The following QKI variants were observed in gnomAD, a reference collection of about 807,000 sequenced individuals.
The protein encoded by QKI is QKI, KH domain containing RNA binding.
Under a neutral mutation model 39.0 loss-of-function variants are expected in QKI, and 10 were observed. That is an observed-to-expected ratio of 0.26 (90% CI 0.16 to 0.43). The LOEUF (loss-of-function observed/expected upper bound fraction) is 0.43. Ranked by LOEUF, QKI falls within the 20% of genes least tolerant of loss-of-function variation. The probability of loss-of-function intolerance (pLI) is 1.00; values close to 1 mark genes in which losing one functional copy is unlikely to be tolerated. For synonymous variants in QKI, 204 were observed against 155.4 expected (o/e 1.31, Z -2.33); for missense variants, 218 against 428.0 (o/e 0.51, Z 4.33).
At chr6:163,555,374 G>C (rs1293196187) in intron 4 of QKI, among the ~76,000 whole-genome samples, 4 of 151,964 alleles carry the variant, frequency 2.6e-5, no homozygotes, top group Non-Finnish European at 5.9e-5. Context: ...ATTTATAAAA[G>C]CAAGACCAGT....
chr6:163,429,279 A>G (rs1217772346), intron 1 of QKI, among the ~76,000 whole-genome samples: 1 of 152,206 alleles, frequency 6.6e-6, no homozygotes, highest in East Asian at 1.9e-4. Flanking sequence ...AAACTAAAAT[A>G]TATCAATTAA....
intron 4 of QKI, among the ~76,000 whole-genome samples, chr6:163,555,321 C>T (rs1782515515): frequency 6.6e-6 from 1 of 151,928 alleles, no homozygotes; most frequent in Admixed American, 6.6e-5. Flanking sequence ...TGAGATAGCA[C>T]ATGGCTATAT....
chr6:163,467,117 C>T (rs1791824162), intron 2 of QKI, among the ~76,000 whole-genome samples: 1 of 150,920 alleles, frequency 6.6e-6, no homozygotes, highest in Non-Finnish European at 1.5e-5. Flanking sequence ...AGAGAATATA[C>T]AGATGTCCAA....
At chr6:163,515,661 T>G (rs1779746821) in intron 3 of QKI, among the ~76,000 whole-genome samples, 1 of 152,152 alleles carries the variant, frequency 6.6e-6, no homozygotes, top group Non-Finnish European at 1.5e-5. Flanking sequence ...AATATATTGG[T>G]GTGTTACAAC....
intron 2 of QKI, among the ~76,000 whole-genome samples, chr6:163,468,794 T>G (rs759711178): frequency 2.6e-5 from 4 of 152,218 alleles, no homozygotes; most frequent in Non-Finnish European, 5.9e-5. Flanking sequence ...ATTGTTTTAA[T>G]TGAATGAAGC....
intron 4 of QKI, among the ~76,000 whole-genome samples, chr6:163,551,682 G>A (rs1583208025): frequency 6.6e-6 from 1 of 152,230 alleles, no homozygotes; most frequent in Non-Finnish European, 1.5e-5. Flanking sequence ...TCAAGGTTGT[G>A]CTTGATAGCT....
chr6:163,564,355 T>TA (rs977267132), intron 6 of QKI: 4 of 1,134,056 alleles, frequency 3.5e-6, no homozygotes, highest in Admixed American at 3.6e-5. Flanking sequence ...CTGTGTGGTA[T>TA]AGCCATTATA....
intron 4 of QKI, among the ~76,000 whole-genome samples, chr6:163,555,940 T>C (rs1018109761): frequency 6.6e-6 from 1 of 152,190 alleles, no homozygotes; most frequent in Admixed American, 6.5e-5. Flanking sequence ...AAAGGCATCA[T>C]AAGACTGGAG....
chr6:163,512,574 A>G (rs558895915), intron 3 of QKI, among the ~76,000 whole-genome samples: 2 of 152,216 alleles, frequency 1.3e-5, no homozygotes, highest in African/African-American at 4.8e-5. Context: ...AACTCCTAAT[A>G]ACTGATAAAG....
At position 163,574,152 on chromosome 6, in the gene QKI, CTGTCTGCTCACAGCATCGAG is replaced by C. The variant is rs1783849109; in HGVS notation, c.*3444_*3463del. ...TATTTTTCCTTCTCCAAAATAATCA[CTGTCTGCTCACAGCATCGAG>C]TAAAAAGATACATTGTCATGGTATA... is the stretch of plus-strand genomic sequence containing the variant. On this transcript the variant is annotated 3_prime_UTR_variant, in exon 8 of 8. Coordinates refer to ENST00000361752, the MANE Select transcript of QKI (RefSeq NM_006775.3). 1 of 152,178 alleles carries C rather than the reference CTGTCTGCTCACAGCATCGAG, an allele frequency of 6.6e-6. No homozygotes were observed. The highest frequency in any genetic ancestry group is 1.5e-5 in the Non-Finnish European group (1 of 68,042). The allele number at this position is 152,178 out of a possible 1,614,324, so 9.4% of individuals were successfully genotyped here.
intron 4 of QKI, among the ~76,000 whole-genome samples, chr6:163,540,276 A>AAT (rs1424127946): frequency 6.6e-6 from 1 of 152,128 alleles, no homozygotes; most frequent in Non-Finnish European, 1.5e-5. Context: ...CTTTTTGCTT[A>AAT]ATATAAACTT....
At chr6:163,445,951 TTTGA>T (rs1790124386) in intron 1 of QKI, among the ~76,000 whole-genome samples, 1 of 152,210 alleles carries the variant, frequency 6.6e-6, no homozygotes, top group Non-Finnish European at 1.5e-5. Flanking sequence ...TAATATTAAC[TTTGA>T]TTAGTTGGTT....
At chr6:163,521,175 A>G (rs1337407107) in intron 3 of QKI, among the ~76,000 whole-genome samples, 1 of 152,118 alleles carries the variant, frequency 6.6e-6, no homozygotes, top group Admixed American at 6.6e-5. Context: ...ATGTCATCCG[A>G]ATATCAGCCC....
intron 1 of QKI, among the ~76,000 whole-genome samples, chr6:163,430,599 T>C (rs1375701023): frequency 1.3e-5 from 2 of 152,190 alleles, no homozygotes; most frequent in Admixed American, 6.6e-5. Flanking sequence ...TGTGAATTCT[T>C]GAGCTGATGG....
At chr6:163,485,838 G>T (rs1417812133) in intron 3 of QKI, among the ~76,000 whole-genome samples, 2 of 152,116 alleles carry the variant, frequency 1.3e-5, no homozygotes. Context: ...CTAGAGCAGG[G>T]GTGTCCAATC....
At chr6:163,483,087 T>G (rs1297323808) in intron 3 of QKI, among the ~76,000 whole-genome samples, 1 of 152,242 alleles carries the variant, frequency 6.6e-6, no homozygotes, top group Non-Finnish European at 1.5e-5. Context: ...TCACACATTT[T>G]TTTAGTTTCC....
At chr6:163,417,222 TTAG>T (rs760242295) in intron 1 of QKI, among the ~76,000 whole-genome samples, 2 of 152,220 alleles carry the variant, frequency 1.3e-5, no homozygotes, top group South Asian at 2.1e-4. Context: ...AGTTAAAGTT[TTAG>T]TAGTATTAGT....
At chr6:163,464,663 T>TA (rs1297286493) in intron 2 of QKI, among the ~76,000 whole-genome samples, 1 of 152,170 alleles carries the variant, frequency 6.6e-6, no homozygotes, top group Non-Finnish European at 1.5e-5. Flanking sequence ...TGAACAGACC[T>TA]ATAATGAGTG....
At chr6:163,489,331 A>AT (rs907742556) in intron 3 of QKI, among the ~76,000 whole-genome samples, 7 of 152,094 alleles carry the variant, frequency 4.6e-5, no homozygotes, top group African/African-American at 1.7e-4. Flanking sequence ...TCAGCAGTGT[A>AT]TGAGAGTAGC....
Sources: gnomAD v4.1 joint callset for allele counts (sites outside exome capture counted in the v4.1 genomes callset) on GRCh38, gnomAD v4.1.1 for gene constraint, MANE v1.5 for transcripts, NCBI Gene and HGNC (gene_info 2026-07-23, HGNC 2026-07-21) for gene names.